SHC3: variants seen among roughly 807,000 people sequenced by gnomAD.
SHC3 encodes the protein SHC-transforming protein 3.
A neutral mutation model predicts 60.4 loss-of-function variants in SHC3; 15 were observed. That is an observed-to-expected ratio of 0.25 (90% CI 0.17 to 0.38). SHC3 has a LOEUF of 0.38. SHC3 is among the 10% of genes least tolerant of loss of function. SHC3 has a pLI of 1.00. For missense variants in SHC3, 677 were observed against 786.1 expected, an observed-to-expected ratio of 0.86 and a Z score of 1.66; for synonymous variants, 294 against 325.9, an observed-to-expected ratio of 0.90 and a Z score of 1.05.
rs532661488 is a variant in SHC3, at chr9:89,070,335, C to T, written c.783+864G>A. On this transcript the variant is annotated intron_variant, in intron 5 of 11. Transcript: ENST00000375835. ...CTTTCCGGAGGGTGAGCCTTCTTCC[C>T]TCTCCCTTCTGGAAAGGGCTGACTT... is the stretch of plus-strand genomic sequence containing the variant. Among the ~76,000 whole-genome samples the T allele has an allele frequency of 8.5e-5, 13 of 152,302 alleles. No homozygotes were observed. In the South Asian group the frequency reaches 1.2e-3, roughly 15 times the overall value.
At chr9:89,115,070 A>G (rs1399429833) in intron 1 of SHC3, among the ~76,000 whole-genome samples, 1 of 152,192 alleles carries the variant, frequency 6.6e-6, no homozygotes, top group African/African-American at 2.4e-5. Context: ...TACCATGACC[A>G]CCATCACAGT....
intron 1 of SHC3, among the ~76,000 whole-genome samples, chr9:89,176,444 C>T (rs570001334): frequency 6.0e-4 from 92 of 152,344 alleles, no homozygotes; most frequent in African/African-American, 2.0e-3. Flanking sequence ...TTGAAAACTA[C>T]TCTGTTTAAT....
chr9:89,149,138 G>A (rs1035840175), intron 1 of SHC3, among the ~76,000 whole-genome samples: 2 of 152,136 alleles, frequency 1.3e-5, no homozygotes, highest in African/African-American at 2.4e-5. Context: ...AGTTAGACAT[G>A]CTGCATTCTA....
chr9:89,081,949 CA>C (rs943466939), intron 2 of SHC3, among the ~76,000 whole-genome samples: 1 of 152,086 alleles, frequency 6.6e-6, no homozygotes, highest in Admixed American at 6.5e-5. Flanking sequence ...ACAGAGAGGT[CA>C]GGGGTGGAGA....
rs1393585203 is a variant in SHC3, at chr9:89,011,317, G to C, written c.*2130C>G. ...GGTTACCATTCAAGTCCCCCCAAGA[G>C]AAAAATAAAGTAAATCAAATGTTAC... On this transcript the variant is annotated 3_prime_UTR_variant, in exon 12 of 12. Transcript: ENST00000375835. 2.6e-5 allele frequency: 4 copies of C among 152,120 alleles called. No homozygotes were observed. The highest frequency in any genetic ancestry group is 4.4e-5 in the Non-Finnish European group (3 of 68,020). 9.4% of individuals were successfully genotyped at this position (152,120 alleles called of 1,614,324 possible).
Position 89,043,652 on chromosome 9 carries a change from A to AT in SHC3, c.1202-1469dup, listed in dbSNP as rs112865716. The stretch of plus-strand genomic sequence containing the variant: ...GTTATGTGAGAAAAGATATTTATTT[A>AT]TTTTTTTTTTTTTTTTTGAGGCAGG... On this transcript the variant is annotated intron_variant, in intron 9 of 11. Transcript: ENST00000375835. 6.2e-3 allele frequency among the ~76,000 whole-genome samples: 917 copies of AT among 147,316 alleles called. 8 individuals are homozygous for AT. Among genetic ancestry groups the AT allele is most frequent in the African/African-American group, 0.019 (780 of 40,704 alleles).
chr9:89,174,182 A>G lies in SHC3; in HGVS notation c.474+3805T>C, dbSNP rs1043001622. Among the ~76,000 whole-genome samples the G allele has an allele frequency of 8.5e-5, 13 of 152,340 alleles. No homozygotes were observed. In the South Asian group the frequency reaches 1.2e-3, roughly 15 times the overall value. The stretch of plus-strand genomic sequence containing the variant: ...TAAGAATAAATTTTTGAGTAAATGT[A>G]ATTTACGAAGACCACCTATAAAAGG... On this transcript the variant is annotated intron_variant, in intron 1 of 11. Transcript: ENST00000375835.
chr9:89,103,537 C>G (rs778893926), intron 2 of SHC3, among the ~76,000 whole-genome samples: 1 of 152,004 alleles, frequency 6.6e-6, no homozygotes, highest in Non-Finnish European at 1.5e-5. Context: ...CAGGCCTGGA[C>G]CTTAAGAGAA....
intron 11 of SHC3, among the ~76,000 whole-genome samples, chr9:89,034,430 G>A (rs1167951915): frequency 6.6e-6 from 1 of 152,200 alleles, no homozygotes; most frequent in Admixed American, 6.5e-5. Context: ...TTCAGGTTTG[G>A]AGTGGACAAG....
At chr9:89,029,272 A>T (rs1824431589) in intron 11 of SHC3, among the ~76,000 whole-genome samples, 1 of 152,018 alleles carries the variant, frequency 6.6e-6, no homozygotes, top group Non-Finnish European at 1.5e-5. Flanking sequence ...AAGTCTTCAG[A>T]ATGAAAGTGT....
At chr9:89,075,020 G>T in intron 4 of SHC3, 89 bp downstream of exon 4, 1 of 1,510,496 alleles carries the variant, frequency 6.6e-7, no homozygotes, top group East Asian at 2.3e-5. Flanking sequence ...TATGCTATGT[G>T]AGCTCAGTAA....
At chr9:89,130,723 C>G (rs1826232196) in intron 1 of SHC3, among the ~76,000 whole-genome samples, 1 of 152,086 alleles carries the variant, frequency 6.6e-6, no homozygotes. Flanking sequence ...CCAACGAGAA[C>G]AAAGACGCAA....
intron 1 of SHC3, among the ~76,000 whole-genome samples, chr9:89,161,229 C>G (rs557732545): frequency 6.6e-5 from 10 of 152,250 alleles, no homozygotes; most frequent in Non-Finnish European, 1.2e-4. Context: ...TAGCACCACC[C>G]CCTTCATGCA....
chr9:89,071,291 C>T (rs752471537), intron 4 of SHC3, 39 bp from the exon 5 acceptor site: 15 of 1,608,652 alleles, frequency 9.3e-6, no homozygotes, highest in South Asian at 2.2e-5. Flanking sequence ...GTGCTGTTAT[C>T]GCCCTTTCCA....
At chr9:89,026,025 C>T (rs1412052314) in intron 11 of SHC3, among the ~76,000 whole-genome samples, 9 of 152,262 alleles carry the variant, frequency 5.9e-5, no homozygotes, top group East Asian at 3.9e-4. Flanking sequence ...AGGCGGACCA[C>T]CTGAGGTCAG....
chr9:89,091,107 A>G (rs1825614728), intron 2 of SHC3, among the ~76,000 whole-genome samples: 1 of 152,256 alleles, frequency 6.6e-6, no homozygotes, highest in African/African-American at 2.4e-5. Flanking sequence ...CCCTAAATTA[A>G]TTTATCAATT....
intron 6 of SHC3, 117 bp from the exon 7 acceptor site, chr9:89,052,280 T>A: frequency 7.6e-7 from 1 of 1,311,006 alleles, no homozygotes. Context: ...TCTTCCATAA[T>A]ATGTCCTAGC....
intron 1 of SHC3, among the ~76,000 whole-genome samples, chr9:89,120,417 G>C (rs1826076404): frequency 6.6e-6 from 1 of 152,080 alleles, no homozygotes; most frequent in Non-Finnish European, 1.5e-5. Context: ...GGTACAAAAA[G>C]GAAATTCACA....
chr9:89,153,535 T>C (rs1308335857), intron 1 of SHC3, among the ~76,000 whole-genome samples: 1 of 152,242 alleles, frequency 6.6e-6, no homozygotes, highest in East Asian at 1.9e-4. Flanking sequence ...ATGCTGTTAC[T>C]GCTGTGGCCC....
Sources: allele counts gnomAD v4.1 joint callset (sites outside exome capture counted in the v4.1 genomes callset), GRCh38; gene constraint gnomAD v4.1.1; transcripts MANE v1.5; gene names NCBI Gene and HGNC (gene_info 2026-07-23, HGNC 2026-07-21).